The following NRXN1 variants were observed in gnomAD, a reference collection of about 807,000 sequenced individuals.
NRXN1 encodes neurexin-1.
In NRXN1, 39 loss-of-function variants were observed where a neutral mutation model predicts 150.9. The observed-to-expected ratio is 0.26, with a 90% CI of 0.20 to 0.34. The LOEUF is 0.34. Ranked by LOEUF, NRXN1 falls within the 10% of genes least tolerant of loss-of-function variation. The pLI, the probability that NRXN1 is intolerant of heterozygous loss-of-function variation, is 1.00. For missense variants in NRXN1, 1,815 were observed against 1,949.9 expected (o/e 0.93, Z 1.30); for synonymous variants, 924 against 757.0 (o/e 1.22, Z -3.62).
chr2:49,939,250 G>C (rs1408437302), intron 22 of NRXN1, among the ~76,000 whole-genome samples: 1 of 152,070 alleles, frequency 6.6e-6, no homozygotes, highest in Non-Finnish European at 1.5e-5. Flanking sequence ...AAAAATCACG[G>C]AAGCTGTAAA....
chr2:50,344,068 T>A (rs1263880564), intron 17 of NRXN1, among the ~76,000 whole-genome samples: 1 of 152,166 alleles, frequency 6.6e-6, no homozygotes, highest in African/African-American at 2.4e-5. Context: ...TCTTTACTTG[T>A]GGGTCCTTTG....
intron 21 of NRXN1, among the ~76,000 whole-genome samples, chr2:49,983,400 G>C (rs965955044): frequency 1.3e-5 from 2 of 152,086 alleles, no homozygotes; most frequent in African/African-American, 4.8e-5. Flanking sequence ...GGGTAAAAAT[G>C]CTTTCTTTCC....
At chr2:51,004,349 T>TAAAAGTAA (rs1700440366) in intron 2 of NRXN1, among the ~76,000 whole-genome samples, 2 of 152,184 alleles carry the variant, frequency 1.3e-5, no homozygotes, top group Non-Finnish European at 2.9e-5. Flanking sequence ...GTGCCATTTC[T>TAAAAGTAA]GTTTTTGGTT....
chr2:50,048,166 A>C (rs149064417), intron 21 of NRXN1, among the ~76,000 whole-genome samples: 89 of 152,082 alleles, frequency 5.9e-4, no homozygotes, highest in African/African-American at 2.1e-3. Flanking sequence ...AATACATTAC[A>C]CTCTTCTCAC....
chr2:50,725,570 G>A (rs897355392), intron 5 of NRXN1, among the ~76,000 whole-genome samples: 1 of 151,976 alleles, frequency 6.6e-6, no homozygotes, highest in Non-Finnish European at 1.5e-5. Context: ...GTGTTAACTG[G>A]GTAATTTTTC....
At chr2:50,024,593 G>T (rs1408802990) in intron 21 of NRXN1, among the ~76,000 whole-genome samples, 2 of 151,956 alleles carry the variant, frequency 1.3e-5, no homozygotes, top group African/African-American at 4.8e-5. Flanking sequence ...TCCCATTTCT[G>T]CAACTAGCTT....
At chr2:50,229,001 T>C (rs1000697040) in intron 18 of NRXN1, among the ~76,000 whole-genome samples, 3 of 151,986 alleles carry the variant, frequency 2.0e-5, no homozygotes, top group Non-Finnish European at 2.9e-5. Context: ...CCTAGAGACA[T>C]CACAAATTGT....
intron 17 of NRXN1, among the ~76,000 whole-genome samples, chr2:50,405,256 A>C (rs867827818): frequency 6.6e-6 from 1 of 152,262 alleles, no homozygotes; most frequent in African/African-American, 2.4e-5. Flanking sequence ...TTGATGTTCA[A>C]TGAAGTCGCA....
At chr2:50,952,434 T>C (rs913689496) in intron 2 of NRXN1, among the ~76,000 whole-genome samples, 19 of 152,144 alleles carry the variant, frequency 1.2e-4, no homozygotes, top group South Asian at 2.1e-4. Context: ...ATATAAGCTG[T>C]TTTAATAATT....
intron 18 of NRXN1, among the ~76,000 whole-genome samples, chr2:50,097,122 A>T (rs2152704944): frequency 6.6e-6 from 1 of 152,356 alleles, no homozygotes; most frequent in Middle Eastern, 3.4e-3. Context: ...ATTGTTATAT[A>T]GAAATGTTTG....
At chr2:50,373,272 T>G (rs1443250495) in intron 17 of NRXN1, among the ~76,000 whole-genome samples, 5 of 146,170 alleles carry the variant, frequency 3.4e-5, no homozygotes, top group Non-Finnish European at 7.5e-5. Flanking sequence ...GATGTCCATA[T>G]CAGATTTATT....
intron 8 of NRXN1, among the ~76,000 whole-genome samples, chr2:50,560,209 T>C (rs1418095505): frequency 6.6e-6 from 1 of 152,166 alleles, no homozygotes. Flanking sequence ...TGTCAAACAC[T>C]GTTGAGCTTA....
At chr2:50,967,451 A>C (rs1694285094) in intron 2 of NRXN1, among the ~76,000 whole-genome samples, 1 of 151,984 alleles carries the variant, frequency 6.6e-6, no homozygotes, top group South Asian at 2.1e-4. Flanking sequence ...AGTCTGGGTA[A>C]ATTCCCCATA....
intron 3 of NRXN1, chr2:50,923,525 T>G (rs1343873548): frequency 8.6e-6 from 2 of 231,552 alleles, no homozygotes; most frequent in African/African-American, 2.3e-5. Context: ...CACTTCAAAC[T>G]GAAGAGCACT....
At chr2:50,911,431 G>A (rs930889930) in intron 5 of NRXN1, among the ~76,000 whole-genome samples, 3 of 151,034 alleles carry the variant, frequency 2.0e-5, no homozygotes, top group African/African-American at 4.9e-5. Context: ...TTCTATACCT[G>A]AGTCTGTCAT....
intron 5 of NRXN1, among the ~76,000 whole-genome samples, chr2:50,840,439 C>T (rs748485093): frequency 1.6e-4 from 25 of 152,054 alleles, no homozygotes; most frequent in Admixed American, 1.4e-3. Flanking sequence ...TTCATTTCAC[C>T]GCTGAGACGA....
At chr2:51,023,383 A>G (rs760046280) in intron 2 of NRXN1, among the ~76,000 whole-genome samples, 3 of 152,224 alleles carry the variant, frequency 2.0e-5, no homozygotes, top group Non-Finnish European at 4.4e-5. Context: ...GTAGGGAGTT[A>G]GAGCTCCATG....
chr2:50,309,434 T>A (rs1021370617), intron 17 of NRXN1, among the ~76,000 whole-genome samples: 1 of 152,176 alleles, frequency 6.6e-6, no homozygotes, highest in Non-Finnish European at 1.5e-5. Context: ...CAAAATGACC[T>A]CTTAGGTCCC....
intron 5 of NRXN1, among the ~76,000 whole-genome samples, chr2:50,698,329 G>C (rs369526785): frequency 1.4e-4 from 22 of 152,160 alleles, no homozygotes; most frequent in African/African-American, 5.1e-4. Context: ...GCTGTCTAGA[G>C]GCCAAAGGAT....
Sources: allele counts gnomAD v4.1 joint callset (sites outside exome capture counted in the v4.1 genomes callset), GRCh38; gene constraint gnomAD v4.1.1; transcripts MANE v1.5; gene names NCBI Gene and HGNC (gene_info 2026-07-23, HGNC 2026-07-21).